The following SRPK2 variants were observed in gnomAD, a reference collection of about 807,000 sequenced individuals.
The protein encoded by SRPK2 is SRSF protein kinase 2.
In SRPK2, 21 loss-of-function variants were observed where a neutral mutation model predicts 90.8. That is an observed-to-expected ratio of 0.23 (90% CI 0.16 to 0.33). SRPK2 has a LOEUF of 0.33. Ranked by LOEUF, SRPK2 falls within the 10% of genes least tolerant of loss-of-function variation. The pLI is 1.00. For missense variants in SRPK2, 620 were observed against 869.0 expected, an observed-to-expected ratio of 0.71 and a Z score of 3.60; for synonymous variants, 288 against 311.1, an observed-to-expected ratio of 0.93 and a Z score of 0.78.
chr7:105,370,725 C>T (rs372974298), intron 2 of SRPK2, among the ~76,000 whole-genome samples: 1 of 149,854 alleles, frequency 6.7e-6, no homozygotes, highest in Admixed American at 6.7e-5. Context: ...AAATGATTCT[C>T]ATGCCTTACC....
At chr7:105,219,164 C>T (rs1797810538) in intron 2 of SRPK2, among the ~76,000 whole-genome samples, 1 of 152,116 alleles carries the variant, frequency 6.6e-6, no homozygotes, top group South Asian at 2.1e-4. Context: ...CCCACACTCC[C>T]ACACCTCCAG....
intron 7 of SRPK2, among the ~76,000 whole-genome samples, chr7:105,149,471 G>A (rs1305186683): frequency 1.3e-5 from 2 of 151,508 alleles, no homozygotes; most frequent in African/African-American, 2.4e-5. Flanking sequence ...CTGAAATAAT[G>A]AAGATAATAA....
chr7:105,324,747 T>A (rs1813369497), intron 2 of SRPK2, among the ~76,000 whole-genome samples: 1 of 152,058 alleles, frequency 6.6e-6, no homozygotes, highest in Non-Finnish European at 1.5e-5. Context: ...ATTAGCCGAA[T>A]GTGGTGGTGC....
upstream of SRPK2, among the ~76,000 whole-genome samples, chr7:105,393,994 C>T (rs1822249917): frequency 6.6e-6 from 1 of 152,112 alleles, no homozygotes; most frequent in Non-Finnish European, 1.5e-5. Flanking sequence ...AGACACTCCC[C>T]ATTTCCTCCA....
At chr7:105,245,030 A>C (rs1801415345) in intron 2 of SRPK2, 1 of 489,244 alleles carries the variant, frequency 2.0e-6, no homozygotes, top group Non-Finnish European at 3.7e-6. Context: ...AACAAAACAA[A>C]ACAAACACAC....
intron 6 of SRPK2, among the ~76,000 whole-genome samples, chr7:105,163,064 G>C (rs1222773707): frequency 2.0e-5 from 3 of 152,148 alleles, no homozygotes; most frequent in African/African-American, 7.2e-5. Context: ...AGCAGCCACT[G>C]GTACTTCCTA....
chr7:105,349,265 G>GT lies in SRPK2; in HGVS notation c.71+39382dup, dbSNP rs779770970. Among the ~76,000 whole-genome samples the GT allele has an allele frequency of 6.4e-4, 95 of 148,776 alleles. 1 individual carries two copies. The highest frequency in any genetic ancestry group is 1.0e-3 in the Admixed American group (15 of 14,980). On this transcript the variant is annotated intron_variant, in intron 2 of 15. Transcript: ENST00000393651. ...GGGCCAAGCATGGTGGCTCACGCCT[G>GT]TAATCCCAGCACTTTGGGAGGCCAA...
intron 6 of SRPK2, among the ~76,000 whole-genome samples, chr7:105,165,774 T>C (rs950254475): frequency 6.6e-6 from 1 of 152,236 alleles, no homozygotes; most frequent in Non-Finnish European, 1.5e-5. Flanking sequence ...AGCAGCAACC[T>C]GCTTGGGTCC....
At chr7:105,337,226 C>T (rs1172279653) in intron 2 of SRPK2, among the ~76,000 whole-genome samples, 2 of 152,084 alleles carry the variant, frequency 1.3e-5, no homozygotes, top group Non-Finnish European at 2.9e-5. Context: ...ATGTTGAAGC[C>T]TTAACCCCCA....
At chr7:105,366,630 A>G (rs975619776) in intron 2 of SRPK2, among the ~76,000 whole-genome samples, 1 of 152,134 alleles carries the variant, frequency 6.6e-6, no homozygotes, top group Admixed American at 6.6e-5. Flanking sequence ...CAGCCTCCCA[A>G]AGTGCTGGGA....
chr7:105,365,487 C>CAA (rs374198950), intron 2 of SRPK2, among the ~76,000 whole-genome samples: 3,943 of 69,146 alleles, frequency 0.057, 278 homozygotes, highest in African/African-American at 0.17. Flanking sequence ...AATTCTGTCT[C>CAA]AAAAAAAAAA....
chr7:105,175,314 G>T (rs1182141565), intron 3 of SRPK2, among the ~76,000 whole-genome samples: 1 of 151,946 alleles, frequency 6.6e-6, no homozygotes, highest in Non-Finnish European at 1.5e-5. Context: ...AAAATAGCAA[G>T]TATTTCTTAC....
At chr7:105,298,170 A>G (rs936709999) in intron 2 of SRPK2, among the ~76,000 whole-genome samples, 2 of 152,222 alleles carry the variant, frequency 1.3e-5, no homozygotes, top group Non-Finnish European at 2.9e-5. Context: ...CCATTGCCAC[A>G]CTACAACCAA....
chr7:105,278,209 A>G (rs1305526415), intron 2 of SRPK2, among the ~76,000 whole-genome samples: 1 of 151,552 alleles, frequency 6.6e-6, no homozygotes, highest in African/African-American at 2.4e-5. Flanking sequence ...CCAGCTACTC[A>G]GGAGGCTGAG....
Position 105,122,827 on chromosome 7 carries a change from AC to A in SRPK2, c.1915+3420del, listed in dbSNP as rs199988353. The stretch of plus-strand genomic sequence containing the variant: ...TACACACACGCGCGCGCACACATGC[AC>A]ACAATCACTCTCTTTTATCCCAACA... On this transcript the variant is annotated intron_variant, in intron 15 of 15. Coordinates refer to ENST00000393651, the MANE Select transcript of SRPK2 (RefSeq NM_182692.3). 3.4e-3 allele frequency among the ~76,000 whole-genome samples: 517 copies of A among 151,900 alleles called. 2 individuals carry two copies. Among genetic ancestry groups the A allele is most frequent in the African/African-American group, 0.012 (483 of 41,386 alleles).
At position 105,270,259 on chromosome 7, in the gene SRPK2, G is replaced by A. The variant is rs141136014; in HGVS notation, c.72-66474C>T. On this transcript the variant is annotated intron_variant, in intron 2 of 15. Transcript: ENST00000393651. ...AGCCACTGGGAGAGCAGAGCACAGCGCCTATAGCTGGGGTGGTGCTGAGAC... is the reference window on the plus strand; with the variant it reads ...AGCCACTGGGAGAGCAGAGCACAGCACCTATAGCTGGGGTGGTGCTGAGAC... Among the ~76,000 whole-genome samples the A allele has an allele frequency of 2.3e-3, 353 of 152,286 alleles. 1 individual carries two copies. The highest frequency in any genetic ancestry group is 8.1e-3 in the African/African-American group (338 of 41,552).
At chr7:105,133,197 A>C (rs768002714) in intron 11 of SRPK2, 93 bp from the exon 12 acceptor site, 13 of 1,147,926 alleles carry the variant, frequency 1.1e-5, no homozygotes, top group Non-Finnish European at 1.7e-5. Context: ...TCCTTTCCTC[A>C]AGAGTAGTGG....
chr7:105,331,958 A>C (rs756258988), intron 2 of SRPK2, among the ~76,000 whole-genome samples: 3 of 152,158 alleles, frequency 2.0e-5, no homozygotes, highest in Non-Finnish European at 4.4e-5. Context: ...CAGGAGTTTG[A>C]GACCAGCCTG....
intron 2 of SRPK2, among the ~76,000 whole-genome samples, chr7:105,259,810 T>C (rs4605996): frequency 0.43 from 65,528 of 151,902 alleles, 15,574 homozygotes; most frequent in Non-Finnish European, 0.53. Context: ...TAATAAATGG[T>C]GCTGGGAAAA....
Sources: allele counts gnomAD v4.1 joint callset (sites outside exome capture counted in the v4.1 genomes callset), GRCh38; gene constraint gnomAD v4.1.1; transcripts MANE v1.5; gene names NCBI Gene and HGNC (gene_info 2026-07-23, HGNC 2026-07-21).